COLEC10: variants seen among roughly 807,000 people sequenced by gnomAD.
COLEC10 encodes collectin-10.
Under a neutral mutation model 28.4 loss-of-function variants are expected in COLEC10, and 22 were observed. That is an observed-to-expected ratio of 0.78 (90% confidence interval 0.55 to 1.11). COLEC10 has a LOEUF of 1.11. COLEC10 is among the 50% of genes least tolerant of loss of function. COLEC10 has a pLI of 0.00. For synonymous variants in COLEC10, 125 were observed against 116.1 expected (o/e 1.08, Z -0.49); for missense variants, 361 against 344.1 (o/e 1.05, Z -0.39).
At chr8:119,040,906 T>A (rs1257480454) in intron 2 of COLEC10, among the ~76,000 whole-genome samples, 1 of 152,086 alleles carries the variant, frequency 6.6e-6, no homozygotes, top group East Asian at 1.9e-4. Context: ...CTTCTATTTG[T>A]CAAACAAACT....
chr8:119,033,871 C>G (rs1156862975), intron 2 of COLEC10, among the ~76,000 whole-genome samples: 1 of 152,122 alleles, frequency 6.6e-6, no homozygotes, highest in Non-Finnish European at 1.5e-5. Flanking sequence ...TACCATCTGA[C>G]CCAGCAATCC....
intron 1 of COLEC10, among the ~76,000 whole-genome samples, chr8:119,070,661 A>G (rs1319236454): frequency 3.4e-5 from 5 of 146,416 alleles, no homozygotes; most frequent in African/African-American, 5.1e-5. Flanking sequence ...TAAACAATTT[A>G]TGTGAAATTC....
intron 3 of COLEC10, among the ~76,000 whole-genome samples, chr8:119,099,350 A>G (rs1220196945): frequency 1.3e-5 from 2 of 152,066 alleles, no homozygotes; most frequent in African/African-American, 2.4e-5. Context: ...AGAAGTTAAC[A>G]TTGGTTGAGC....
At chr8:118,973,894 C>T in the COLEC10 span, among the ~76,000 whole-genome samples, 1 of 151,854 alleles carries the variant, frequency 6.6e-6, no homozygotes, top group Non-Finnish European at 1.5e-5. Flanking sequence ...TTGCACCATC[C>T]CCATCTCAAC....
intron 2 of COLEC10, among the ~76,000 whole-genome samples, chr8:119,043,984 T>A (rs536162073): frequency 6.6e-6 from 1 of 152,222 alleles, no homozygotes; most frequent in South Asian, 2.1e-4. Flanking sequence ...AAAACAAAAC[T>A]ATAAAAAATA....
chr8:119,009,471 C>G (rs75243458), exon 2 of COLEC10: 11 of 150,672 alleles, frequency 7.3e-5, no homozygotes, highest in African/African-American at 2.8e-4. Context: ...TTCTCTGCCA[C>G]GTAATGACAC....
chr8:119,103,901 C>A lies in COLEC10; in HGVS notation c.442+6C>A, dbSNP rs753579782. On this transcript the variant is annotated splice_donor_region_variant and intron_variant, in intron 5 of 5. Coordinates refer to ENST00000332843, the MANE Select transcript of COLEC10 (RefSeq NM_006438.5). ...TATGAAGTTTGTCAAGAATGGTGAG[C>A]ATATTCTCTTTTGTGTTATGTATCT... 4.5e-6 allele frequency: 7 copies of A among 1,570,620 alleles called. No individual in the cohort carries two copies. In the East Asian group the frequency reaches 1.6e-4, roughly 35 times the overall value.
intron 2 of COLEC10, among the ~76,000 whole-genome samples, chr8:119,034,949 G>A (rs534929939): frequency 6.6e-5 from 10 of 152,152 alleles, no homozygotes; most frequent in East Asian, 5.8e-4. Flanking sequence ...TTTAGTAAAC[G>A]GCAACTAATC....
At chr8:118,958,373 T>C in the COLEC10 span, among the ~76,000 whole-genome samples, 8 of 152,340 alleles carry the variant, frequency 5.3e-5, no homozygotes, top group Middle Eastern at 6.8e-3. Context: ...CTGCTTCTGC[T>C]GGGAGGAGTT....
chr8:119,043,890 A>G (rs1402426055), intron 2 of COLEC10, among the ~76,000 whole-genome samples: 1 of 152,238 alleles, frequency 6.6e-6, no homozygotes, highest in East Asian at 1.9e-4. Context: ...GAAGTAGGAC[A>G]TGGACAACCA....
chr8:118,990,464 G>C (rs1027118687), upstream of COLEC10, among the ~76,000 whole-genome samples: 5 of 152,104 alleles, frequency 3.3e-5, no homozygotes, highest in African/African-American at 9.7e-5. Flanking sequence ...CTGAAGAAAG[G>C]AAGATGGACC....
At chr8:119,042,988 T>C (rs1814525026) in intron 2 of COLEC10, among the ~76,000 whole-genome samples, 1 of 152,016 alleles carries the variant, frequency 6.6e-6, no homozygotes, top group Non-Finnish European at 1.5e-5. Context: ...CCATCTCTGT[T>C]TGTGTTTGTC....
chr8:119,079,039 A>G (rs1587047567), intron 1 of COLEC10, among the ~76,000 whole-genome samples: 2 of 125,170 alleles, frequency 1.6e-5, no homozygotes, highest in Non-Finnish European at 3.4e-5. Flanking sequence ...ACACACACAC[A>G]CACACCAACC....
chr8:119,048,737 T>C (rs1202860672), intron 2 of COLEC10, among the ~76,000 whole-genome samples: 2 of 152,208 alleles, frequency 1.3e-5, no homozygotes, highest in Admixed American at 1.3e-4. Context: ...TGTTGTTACA[T>C]GTAAGATGGG....
At chr8:118,955,024 C>A in the COLEC10 span, among the ~76,000 whole-genome samples, 5 of 152,102 alleles carry the variant, frequency 3.3e-5, no homozygotes, top group African/African-American at 1.2e-4. Flanking sequence ...ATTGGAAATA[C>A]CGGTTCTGGT....
chr8:118,956,352 C>A, the COLEC10 span, among the ~76,000 whole-genome samples: 2 of 152,158 alleles, frequency 1.3e-5, no homozygotes, highest in African/African-American at 2.4e-5. Context: ...GAACTTCACC[C>A]TGCTCATGGC....
intron 2 of COLEC10, among the ~76,000 whole-genome samples, chr8:119,019,342 AC>A (rs1478679246): frequency 6.6e-6 from 1 of 152,062 alleles, no homozygotes; most frequent in Non-Finnish European, 1.5e-5. Context: ...TATTGAAGGG[AC>A]CCAGGAGGAA....
chr8:119,045,356 A>G (rs544652930), intron 2 of COLEC10, among the ~76,000 whole-genome samples: 4 of 152,218 alleles, frequency 2.6e-5, no homozygotes, highest in Admixed American at 2.6e-4. Flanking sequence ...AAATAGAAAA[A>G]TGTGGCATGA....
chr8:119,002,938 C>T (rs1813727085), intron 1 of COLEC10, among the ~76,000 whole-genome samples: 1 of 152,094 alleles, frequency 6.6e-6, no homozygotes, highest in Non-Finnish European at 1.5e-5. Context: ...TAACCTTGGA[C>T]AAATTAGGGT....
Sources: allele counts gnomAD v4.1 joint callset (sites outside exome capture counted in the v4.1 genomes callset), GRCh38; gene constraint gnomAD v4.1.1; transcripts MANE v1.5; gene names NCBI Gene and HGNC (gene_info 2026-07-23, HGNC 2026-07-21).